Variants in WDFY2 observed in about 807,000 individuals in gnomAD.
The protein encoded by WDFY2 is WD repeat and FYVE domain-containing protein 2.
In WDFY2, 36 loss-of-function variants were observed where a neutral mutation model predicts 56.4. The observed-to-expected ratio is 0.64, with a 90% CI of 0.49 to 0.84. WDFY2 has a LOEUF of 0.84. Ranked by LOEUF, WDFY2 falls within the 40% of genes least tolerant of loss-of-function variation. WDFY2 has a pLI of 0.00. For missense variants in WDFY2, 444 were observed against 512.2 expected, an observed-to-expected ratio of 0.87 and a Z score of 1.29; for synonymous variants, 176 against 183.7, an observed-to-expected ratio of 0.96 and a Z score of 0.34.
chr13:51,678,722 G>A lies in WDFY2; in HGVS notation c.279+3479G>A, dbSNP rs537011376. On this transcript the variant is annotated intron_variant, in intron 3 of 11. Coordinates refer to ENST00000298125, the MANE Select transcript of WDFY2 (RefSeq NM_052950.4). ...CAATTCTAACATAGTGTGGCTTCTG[G>A]TCTCAAAGACTTTATAATTCAGTTA... 8.5e-5 allele frequency among the ~76,000 whole-genome samples: 13 copies of A among 152,214 alleles called. No homozygotes were observed. In the East Asian group the frequency reaches 2.5e-3, roughly 29 times the overall value.
At chr13:51,693,779 G>C (rs1951800336) in intron 3 of WDFY2, among the ~76,000 whole-genome samples, 1 of 152,104 alleles carries the variant, frequency 6.6e-6, no homozygotes, top group Non-Finnish European at 1.5e-5. Flanking sequence ...TGTTGACAGT[G>C]GGGTGTTCAA....
chr13:51,698,777 A>G (rs1360173516), intron 3 of WDFY2, among the ~76,000 whole-genome samples: 1 of 152,228 alleles, frequency 6.6e-6, no homozygotes, highest in Non-Finnish European at 1.5e-5. Context: ...ATATAATGCA[A>G]TTTTAACTCA....
intron 1 of WDFY2, among the ~76,000 whole-genome samples, chr13:51,650,583 G>A (rs1346259367): frequency 3.3e-5 from 5 of 152,100 alleles, no homozygotes; most frequent in East Asian, 1.9e-4. Context: ...TTTGAGATAC[G>A]TCCCATCAAT....
At chr13:51,588,382 G>C (rs565536993) in intron 1 of WDFY2, 57 of 152,268 alleles carry the variant, frequency 3.7e-4, no homozygotes, top group African/African-American at 1.4e-3. Context: ...GCAGACCTTT[G>C]TATCTTCATA....
chr13:51,697,920 TAAAG>T (rs939548585), intron 3 of WDFY2, among the ~76,000 whole-genome samples: 4 of 152,252 alleles, frequency 2.6e-5, no homozygotes, highest in African/African-American at 9.6e-5. Context: ...CCAAAAGATT[TAAAG>T]AAAAGCTTCT....
chr13:51,703,418 T>C (rs1470448547), intron 3 of WDFY2, among the ~76,000 whole-genome samples, 178 bp from the exon 4 acceptor site: 3 of 152,192 alleles, frequency 2.0e-5, no homozygotes, highest in Admixed American at 6.5e-5. Context: ...ATAACTGCAT[T>C]GGATCATAAT....
chr13:51,624,784 G>A (rs1307111360), intron 1 of WDFY2, among the ~76,000 whole-genome samples: 1 of 152,186 alleles, frequency 6.6e-6, no homozygotes, highest in African/African-American at 2.4e-5. Flanking sequence ...AGGAGGTTGG[G>A]GGGTTTGCTC....
At position 51,649,317 on chromosome 13, in the gene WDFY2, C is replaced by T. The variant is rs577027667; in HGVS notation, c.138-11279C>T. 1.2e-3 allele frequency among the ~76,000 whole-genome samples: 180 copies of T among 151,990 alleles called. 1 individual carries two copies. Among genetic ancestry groups the T allele is most frequent in the African/African-American group, 3.6e-3 (148 of 41,482 alleles). ...GAGGCAGGGAGAGAAGAAAACAGCA[C>T]GTGCAAGATGGACTGTGCGGTGCAT... is the stretch of plus-strand genomic sequence containing the variant. On this transcript the variant is annotated intron_variant, in intron 1 of 11. Coordinates refer to ENST00000298125, the MANE Select transcript of WDFY2 (RefSeq NM_052950.4).
Position 51,758,271 on chromosome 13 carries a change from C to T in WDFY2, c.1144C>T (p.Leu382=). 6.3e-7 allele frequency: 1 copy of T among 1,599,350 alleles called. No homozygotes were observed. ...TTTCGATGCAACCAGAGGATGGTTA[C>T]TGACTTCTGGAACTGACAAGGTTAT... The part of the protein sequence containing the change: ...VHFDATRGWL[L]TSGTDKVIKL... The change falls in exon 11 of 12, where the codon CTG becomes TTG. Residue 382 remains leucine (L), a synonymous_variant. Transcript: ENST00000298125.
At chr13:51,745,973 C>CTTTTTTTTTTTTTT (rs59572351) in intron 7 of WDFY2, among the ~76,000 whole-genome samples, 14 of 100,762 alleles carry the variant, frequency 1.4e-4, no homozygotes, top group East Asian at 2.9e-4. Context: ...TTTTCTTTTT[C>CTTTTTTTTTTTTTT]TTTTTTTTTT....
chr13:51,740,458 G>A (rs186791295), intron 7 of WDFY2, among the ~76,000 whole-genome samples: 8 of 152,360 alleles, frequency 5.3e-5, no homozygotes, highest in Non-Finnish European at 7.3e-5. Context: ...GCTCACGCCT[G>A]TAATCCCAGC....
intron 1 of WDFY2, among the ~76,000 whole-genome samples, chr13:51,644,869 G>A (rs1955236361): frequency 6.6e-6 from 1 of 152,054 alleles, no homozygotes; most frequent in Non-Finnish European, 1.5e-5. Flanking sequence ...TGAAACCGCT[G>A]GCCACCTCAA....
At chr13:51,749,966 C>A (rs1044290323) in intron 7 of WDFY2, among the ~76,000 whole-genome samples, 2 of 152,058 alleles carry the variant, frequency 1.3e-5, no homozygotes, top group African/African-American at 4.8e-5. Context: ...TTCACTTGAC[C>A]AGCTATCCTG....
At chr13:51,644,026 A>G (rs1365281960) in intron 1 of WDFY2, among the ~76,000 whole-genome samples, 1 of 152,200 alleles carries the variant, frequency 6.6e-6, no homozygotes, top group Non-Finnish European at 1.5e-5. Flanking sequence ...TGCAAGGTAC[A>G]GTGGGATTCT....
chr13:51,627,196 G>A (rs1954851343), intron 1 of WDFY2, among the ~76,000 whole-genome samples: 1 of 152,216 alleles, frequency 6.6e-6, no homozygotes, highest in South Asian at 2.1e-4. Flanking sequence ...CCCAAAGAGA[G>A]TGTCACAGCC....
chr13:51,713,699 T>C (rs1159743586), intron 4 of WDFY2, among the ~76,000 whole-genome samples: 1 of 151,884 alleles, frequency 6.6e-6, no homozygotes, highest in Non-Finnish European at 1.5e-5. Context: ...AATATAAAAA[T>C]TAGCCTGCGT....
intron 1 of WDFY2, among the ~76,000 whole-genome samples, chr13:51,603,126 A>AT (rs963437525): frequency 6.6e-6 from 1 of 152,206 alleles, no homozygotes; most frequent in African/African-American, 2.4e-5. Flanking sequence ...TCATCAATTA[A>AT]TACGGCAAAT....
chr13:51,609,210 G>A (rs893964276), intron 1 of WDFY2, among the ~76,000 whole-genome samples: 1 of 152,164 alleles, frequency 6.6e-6, no homozygotes, highest in Admixed American at 6.5e-5. Context: ...CACCATTCAC[G>A]TCAAGAAATT....
intron 2 of WDFY2, 109 bp from the exon 3 acceptor site, chr13:51,675,061 C>T: frequency 3.4e-6 from 3 of 894,866 alleles, no homozygotes; most frequent in East Asian, 2.5e-5. Flanking sequence ...AAATGTTTTC[C>T]AGGAGATAGT....
Sources: allele counts gnomAD v4.1 joint callset (sites outside exome capture counted in the v4.1 genomes callset), GRCh38; gene constraint gnomAD v4.1.1; transcripts MANE v1.5; gene names NCBI Gene and HGNC (gene_info 2026-07-23, HGNC 2026-07-21).